Variants in CDH13 observed in about 807,000 individuals in gnomAD.
CDH13 encodes the protein cadherin 13, also known as cadherin-13.
Under a neutral mutation model 63.8 loss-of-function variants are expected in CDH13, and 24 were observed. The ratio of observed to expected loss-of-function variants is 0.38; its 90% confidence interval spans 0.27 to 0.53. The LOEUF (loss-of-function observed/expected upper bound fraction) is 0.53. Among genes scored for constraint, CDH13 ranks in the 20% least tolerant of loss-of-function variants. The pLI is 0.85. For missense variants in CDH13, 1,049 were observed against 903.1 expected (o/e 1.16, Z -2.07); for synonymous variants, 503 against 355.3 (o/e 1.42, Z -4.67).
At chr16:82,848,468 C>T (rs1229262292) in intron 1 of CDH13, among the ~76,000 whole-genome samples, 2 of 152,012 alleles carry the variant, frequency 1.3e-5, no homozygotes, top group African/African-American at 4.8e-5. Flanking sequence ...GTGTCTCTGT[C>T]TCATGTTTTG....
chr16:83,184,047 G>C (rs577214613), intron 4 of CDH13, among the ~76,000 whole-genome samples: 10 of 149,398 alleles, frequency 6.7e-5, no homozygotes, highest in Non-Finnish European at 1.2e-4. Context: ...AGGCTCAAGA[G>C]ATGTTGCCAT....
chr16:83,621,541 C>T (rs1264049486), intron 8 of CDH13, among the ~76,000 whole-genome samples: 6 of 111,832 alleles, frequency 5.4e-5, no homozygotes, highest in African/African-American at 2.1e-4. Context: ...GGCTGGAGTG[C>T]AGTGGCATGA....
intron 2 of CDH13, among the ~76,000 whole-genome samples, chr16:83,022,783 C>G (rs917524437): frequency 2.0e-5 from 3 of 152,174 alleles, no homozygotes; most frequent in Non-Finnish European, 4.4e-5. Context: ...TGCAAAGCCT[C>G]TACAAATACA....
chr16:83,509,477 C>A (rs2074504056), intron 7 of CDH13, among the ~76,000 whole-genome samples: 1 of 152,166 alleles, frequency 6.6e-6, no homozygotes, highest in South Asian at 2.1e-4. Flanking sequence ...AGCATAGATA[C>A]CACATAAATG....
At chr16:83,026,413 A>G (rs541807373) in intron 2 of CDH13, among the ~76,000 whole-genome samples, 3 of 152,318 alleles carry the variant, frequency 2.0e-5, no homozygotes, top group Non-Finnish European at 4.4e-5. Context: ...GTAAAATATA[A>G]TATGATGCTT....
intron 8 of CDH13, among the ~76,000 whole-genome samples, chr16:83,651,253 A>G (rs16961176): frequency 0.13 from 19,101 of 152,160 alleles, 1,278 homozygotes; most frequent in East Asian, 0.24. Context: ...TCCCAAAAGA[A>G]CAACGTGTAT....
At chr16:82,753,201 G>T (rs997994626) in intron 1 of CDH13, among the ~76,000 whole-genome samples, 1 of 152,210 alleles carries the variant, frequency 6.6e-6, no homozygotes, top group Non-Finnish European at 1.5e-5. Context: ...CAGGAGACAG[G>T]TCGTGGTACA....
intron 1 of CDH13, among the ~76,000 whole-genome samples, chr16:82,833,124 C>G (rs1567581340): frequency 1.3e-5 from 2 of 152,148 alleles, no homozygotes; most frequent in East Asian, 3.9e-4. Flanking sequence ...TGTGAGAGAC[C>G]AGTGAACTCA....
chr16:82,996,164 T>C (rs763515979), intron 2 of CDH13, among the ~76,000 whole-genome samples: 1 of 152,188 alleles, frequency 6.6e-6, no homozygotes, highest in Admixed American at 6.5e-5. Context: ...CAATTAGTTA[T>C]TTGAGGTTTT....
rs140954835 is a variant in CDH13 at position 82,927,427 on chromosome 16, C to A, written c.157+68954C>A. On this transcript the variant is annotated intron_variant, in intron 2 of 13. Transcript: ENST00000567109. ...GAGCTATTTTCAGCCCATGTTTTAC[C>A]ATCTTCATAATGCCTTATAGTTGAA... Among the ~76,000 whole-genome samples the A allele has an allele frequency of 5.2e-3, 787 of 152,148 alleles. 4 individuals are homozygous for A. Among genetic ancestry groups the A allele is most frequent in the African/African-American group, 0.018 (736 of 41,478 alleles).
At chr16:83,003,278 T>C (rs1913128635) in intron 2 of CDH13, among the ~76,000 whole-genome samples, 1 of 152,140 alleles carries the variant, frequency 6.6e-6, no homozygotes, top group African/African-American at 2.4e-5. Flanking sequence ...TTGGAAAAGG[T>C]CAAGGGCTGT....
intron 7 of CDH13, among the ~76,000 whole-genome samples, chr16:83,532,749 C>T (rs758024110): frequency 1.5e-4 from 23 of 152,148 alleles, no homozygotes; most frequent in Non-Finnish European, 2.2e-4. Flanking sequence ...CACGCTGGTC[C>T]GGACTTGAGC....
At chr16:83,077,181 C>CTTTTCTTTTTT (rs2032903896) in intron 3 of CDH13, among the ~76,000 whole-genome samples, 1 of 93,466 alleles carries the variant, frequency 1.1e-5, no homozygotes, top group African/African-American at 4.5e-5. Flanking sequence ...TCTTTTTTTT[C>CTTTTCTTTTTT]TTTTCTTTTT....
intron 3 of CDH13, among the ~76,000 whole-genome samples, chr16:83,066,716 C>G (rs75476784): frequency 6.6e-6 from 1 of 152,144 alleles, no homozygotes; most frequent in Non-Finnish European, 1.5e-5. Context: ...AATTCTCGCC[C>G]GGTGTGAAGT....
intron 8 of CDH13, among the ~76,000 whole-genome samples, chr16:83,657,583 C>T (rs58442741): frequency 0.075 from 11,363 of 152,220 alleles, 689 homozygotes; most frequent in African/African-American, 0.17. Flanking sequence ...TCCTCTGCAG[C>T]AGACCGCTTC....
intron 2 of CDH13, among the ~76,000 whole-genome samples, chr16:82,917,883 C>G (rs12102867): frequency 0.57 from 83,737 of 146,490 alleles, 26,050 homozygotes; most frequent in Non-Finnish European, 0.71. Context: ...CTACTGCACT[C>G]CAGCCTGGGC....
At chr16:83,215,039 G>A (rs1418595609) in intron 4 of CDH13, among the ~76,000 whole-genome samples, 2 of 126,146 alleles carry the variant, frequency 1.6e-5, no homozygotes, top group Admixed American at 8.8e-5. Flanking sequence ...AGCAATGACT[G>A]AAAATTATTT....
intron 5 of CDH13, among the ~76,000 whole-genome samples, chr16:83,277,009 C>T (rs186941204): frequency 3.9e-5 from 6 of 152,184 alleles, no homozygotes; most frequent in Non-Finnish European, 8.8e-5. Flanking sequence ...GAAAGACCTG[C>T]CCCCATAATA....
chr16:83,684,386 A>C (rs1904283146), intron 10 of CDH13, among the ~76,000 whole-genome samples: 1 of 152,160 alleles, frequency 6.6e-6, no homozygotes, highest in African/African-American at 2.4e-5. Flanking sequence ...AAAAAAAAAA[A>C]GTAGCCGAAA....
Sources: gnomAD v4.1 joint callset for allele counts (sites outside exome capture counted in the v4.1 genomes callset) on GRCh38, gnomAD v4.1.1 for gene constraint, MANE v1.5 for transcripts, NCBI Gene and HGNC (gene_info 2026-07-23, HGNC 2026-07-21) for gene names.